The following NEK6 variants were observed in gnomAD, a reference collection of about 807,000 sequenced individuals.
NEK6 encodes the protein serine/threonine-protein kinase Nek6.
NEK6 carries 27 observed loss-of-function variants against 43.5 expected under a neutral mutation model. The observed-to-expected ratio is 0.62, with a 90% CI of 0.46 to 0.86. The LOEUF (loss-of-function observed/expected upper bound fraction) is 0.86, where lower values mean the gene tolerates loss of function less well. Ranked by LOEUF, NEK6 falls within the 40% of genes least tolerant of loss-of-function variation. NEK6 has a pLI of 0.00. For synonymous variants in NEK6, 167 were observed against 164.1 expected (o/e 1.02, Z -0.14); for missense variants, 318 against 414.4 (o/e 0.77, Z 2.02).
intron 8 of NEK6, 24 bp from the exon 9 acceptor site, chr9:124,347,685 C>G: frequency 6.8e-7 from 1 of 1,479,130 alleles, no homozygotes; most frequent in South Asian, 1.2e-5. Flanking sequence ...GAAAGCTTAT[C>G]TTCGTTGTTC....
intron 1 of NEK6, among the ~76,000 whole-genome samples, chr9:124,270,870 G>C (rs766257859): frequency 6.6e-6 from 1 of 152,254 alleles, no homozygotes; most frequent in Non-Finnish European, 1.5e-5. Flanking sequence ...GACAGTGAAA[G>C]CACAGCATGA....
intron 7 of NEK6, among the ~76,000 whole-genome samples, chr9:124,332,255 G>A (rs1266429190): frequency 6.6e-6 from 1 of 151,808 alleles, no homozygotes; most frequent in Non-Finnish European, 1.5e-5. Flanking sequence ...TGCCTTTGTG[G>A]AAGATACAGC....
At chr9:124,277,145 A>G (rs2118958051) in intron 1 of NEK6, among the ~76,000 whole-genome samples, 1 of 152,320 alleles carries the variant, frequency 6.6e-6, no homozygotes, top group African/African-American at 2.4e-5. Flanking sequence ...ACTTCCACCC[A>G]AAAAGAGTCC....
chr9:124,285,887 G>A (rs1255740834), intron 1 of NEK6, among the ~76,000 whole-genome samples: 1 of 152,160 alleles, frequency 6.6e-6, no homozygotes, highest in Non-Finnish European at 1.5e-5. Context: ...GTCTCACAAG[G>A]CTGTTATGAG....
intron 2 of NEK6, among the ~76,000 whole-genome samples, chr9:124,302,526 G>A (rs1316340810): frequency 6.6e-6 from 1 of 152,236 alleles, no homozygotes; most frequent in African/African-American, 2.4e-5. Context: ...AGCAGAGTTT[G>A]GGAGAACACT....
At chr9:124,338,246 G>A (rs1829390402) in intron 7 of NEK6, among the ~76,000 whole-genome samples, 1 of 152,214 alleles carries the variant, frequency 6.6e-6, no homozygotes, top group Non-Finnish European at 1.5e-5. Flanking sequence ...CTCCCAAAGT[G>A]GTGGGTTTAC....
intron 8 of NEK6, among the ~76,000 whole-genome samples, chr9:124,340,983 C>T (rs1314150252): frequency 6.6e-6 from 1 of 152,222 alleles, no homozygotes. Context: ...CCCCACATTA[C>T]AGATTGAGAC....
chr9:124,263,213 C>A (rs559728504), intron 1 of NEK6, among the ~76,000 whole-genome samples: 3 of 152,228 alleles, frequency 2.0e-5, no homozygotes, highest in Admixed American at 6.5e-5. Flanking sequence ...CAGAGAGCTT[C>A]GCACACACCC....
rs568340403 is a variant in NEK6, at chr9:124,326,793, T to A, written c.514+355T>A. On this transcript the variant is annotated intron_variant, in intron 6 of 9. Coordinates refer to ENST00000320246, the MANE Select transcript of NEK6 (RefSeq NM_014397.6). The surrounding 1 kb of genome is among the most constrained non-coding windows in gnomAD (Gnocchi z 4.5). ...GAGAAGGGGAGGCACCTGAGAGGGGTGTTTCCACAGTTGACATGATTCCGA... is the reference window on the plus strand; with the variant it reads ...GAGAAGGGGAGGCACCTGAGAGGGGAGTTTCCACAGTTGACATGATTCCGA... Among the ~76,000 whole-genome samples the A allele has an allele frequency of 6.6e-6, 1 of 151,906 alleles. No homozygotes were observed. Among genetic ancestry groups the A allele is most frequent in the African/African-American group, 2.4e-5 (1 of 41,358 alleles).
chr9:124,274,657 G>C (rs188719301), intron 1 of NEK6, among the ~76,000 whole-genome samples: 1 of 152,178 alleles, frequency 6.6e-6, no homozygotes, highest in Non-Finnish European at 1.5e-5. Flanking sequence ...GACATCTGGA[G>C]GGTTTTTGCT....
At chr9:124,321,083 C>G (rs1834042419) in intron 4 of NEK6, among the ~76,000 whole-genome samples, 1 of 152,200 alleles carries the variant, frequency 6.6e-6, no homozygotes, top group African/African-American at 2.4e-5. Flanking sequence ...CAATGCCGCC[C>G]TCAGGGTCGG....
upstream of NEK6, chr9:124,257,942 C>T (rs1486833382): frequency 1.0e-6 from 1 of 977,560 alleles, no homozygotes. Flanking sequence ...CGCGCGGGCC[C>T]GCGCAGGCGG....
At chr9:124,281,103 C>T (rs775266791) in intron 1 of NEK6, among the ~76,000 whole-genome samples, 1 of 152,206 alleles carries the variant, frequency 6.6e-6, no homozygotes, top group Non-Finnish European at 1.5e-5. Context: ...CTGCATCTCC[C>T]GCTTTTCGCT....
rs1564645978 is a variant in NEK6, at chr9:124,321,579, T to C, written c.405+10T>C. On this transcript the variant is annotated intron_variant, in intron 5 of 9. Transcript: ENST00000320246. ...CTCGCAGATGATCAAGGTGAGCGCC[T>C]GGCGGGGTGGGGGTGCTGGGGGCTG... 1.3e-6 allele frequency: 2 copies of C among 1,568,592 alleles called. No homozygotes were observed. The highest frequency in any genetic ancestry group is 1.8e-6 in the Non-Finnish European group (2 of 1,138,624).
chr9:124,298,115 G>C (rs578205067), intron 1 of NEK6, among the ~76,000 whole-genome samples: 1 of 152,248 alleles, frequency 6.6e-6, no homozygotes, highest in South Asian at 2.1e-4. Flanking sequence ...TCTGAGCCTC[G>C]GTTTCCCCAT....
chr9:124,257,810 G>C (rs1478238629), upstream of NEK6: 4 of 1,375,442 alleles, frequency 2.9e-6, no homozygotes, highest in Admixed American at 2.4e-5. Flanking sequence ...GCGGAGTCGA[G>C]GGGTCCAGGC....
intron 1 of NEK6, among the ~76,000 whole-genome samples, chr9:124,272,003 G>C (rs1441560254): frequency 6.6e-6 from 1 of 152,220 alleles, no homozygotes. Flanking sequence ...GCCCACTCAG[G>C]CCTCTGTTTT....
chr9:124,284,985 G>A (rs1474286775), intron 1 of NEK6, among the ~76,000 whole-genome samples: 1 of 152,238 alleles, frequency 6.6e-6, no homozygotes, highest in African/African-American at 2.4e-5. Context: ...TAGGTGCCAC[G>A]GAGTAGTGGC....
At chr9:124,270,621 CAA>C (rs1831401323) in intron 1 of NEK6, among the ~76,000 whole-genome samples, 3 of 152,180 alleles carry the variant, frequency 2.0e-5, no homozygotes, top group Admixed American at 6.5e-5. Flanking sequence ...TCCCTGGACA[CAA>C]GATACTTTCA....
Sources: allele counts gnomAD v4.1 joint callset (sites outside exome capture counted in the v4.1 genomes callset), GRCh38; gene constraint gnomAD v4.1.1; non-coding constraint Gnocchi (gnomAD v3.1); transcripts MANE v1.5; gene names NCBI Gene and HGNC (gene_info 2026-07-23, HGNC 2026-07-21).